The following ZNF407 variants were observed in gnomAD, a reference collection of about 807,000 sequenced individuals.
ZNF407 encodes zinc finger protein 407.
In ZNF407, 17 loss-of-function variants were observed where a neutral mutation model predicts 131.2. That is an observed-to-expected ratio of 0.13 (90% CI 0.09 to 0.19). ZNF407 has a LOEUF of 0.19. Among genes scored for constraint, ZNF407 ranks in the 10% least tolerant of loss-of-function variants. The probability of loss-of-function intolerance (pLI) is 1.00; values close to 1 mark genes in which losing one functional copy is unlikely to be tolerated. For synonymous variants in ZNF407, 1,156 were observed against 1,062.0 expected (o/e 1.09, Z -1.72); for missense variants, 2,681 against 2,830.6 (o/e 0.95, Z 1.20).
chr18:74,860,415 G>A (rs1388148014), intron 4 of ZNF407, among the ~76,000 whole-genome samples: 1 of 151,780 alleles, frequency 6.6e-6, no homozygotes, highest in African/African-American at 2.4e-5. Context: ...TGAGAAGTAT[G>A]TAATTGTTAA....
chr18:75,062,752 A>T (rs1973652112), intron 8 of ZNF407: 1 of 167,172 alleles, frequency 6.0e-6, no homozygotes, highest in Admixed American at 6.4e-5. Flanking sequence ...GTTAGGAGAT[A>T]CTACTGCTGG....
intron 3 of ZNF407, among the ~76,000 whole-genome samples, chr18:74,673,123 A>G (rs954373736): frequency 2.0e-5 from 3 of 152,226 alleles, no homozygotes; most frequent in Non-Finnish European, 4.4e-5. Context: ...ATTGACAGTA[A>G]GTGAAGACTC....
intron 8 of ZNF407, among the ~76,000 whole-genome samples, chr18:75,007,089 A>G (rs1972919478): frequency 6.6e-6 from 1 of 152,158 alleles, no homozygotes; most frequent in African/African-American, 2.4e-5. Context: ...AAAGTTTCAT[A>G]GAGCTGGATT....
intron 3 of ZNF407, among the ~76,000 whole-genome samples, chr18:74,663,976 C>T (rs192115218): frequency 4.6e-4 from 70 of 152,240 alleles, no homozygotes; most frequent in Middle Eastern, 3.4e-3. Flanking sequence ...GATGCTGTGC[C>T]ACAAACTATA....
intron 4 of ZNF407, among the ~76,000 whole-genome samples, chr18:74,790,463 T>C (rs1969805285): frequency 6.6e-6 from 1 of 152,196 alleles, no homozygotes; most frequent in Non-Finnish European, 1.5e-5. Context: ...AGATTTGGGG[T>C]ATAAGAATAT....
intron 1 of ZNF407, among the ~76,000 whole-genome samples, chr18:74,617,674 G>A (rs1374856825): frequency 2.0e-5 from 3 of 152,234 alleles, no homozygotes; most frequent in South Asian, 2.1e-4. Flanking sequence ...AGGGGGTCAC[G>A]TCTGGAGACA....
At chr18:75,052,977 T>C (rs558307952) in intron 8 of ZNF407, among the ~76,000 whole-genome samples, 1 of 152,242 alleles carries the variant, frequency 6.6e-6, no homozygotes, top group Non-Finnish European at 1.5e-5. Context: ...AGCCTTTAAT[T>C]TCCCTGATAA....
intron 8 of ZNF407, among the ~76,000 whole-genome samples, chr18:74,997,542 G>T (rs963985230): frequency 2.0e-5 from 3 of 152,128 alleles, no homozygotes; most frequent in South Asian, 2.1e-4. Context: ...TGAGATTTTT[G>T]TCCTTGTGCC....
intron 3 of ZNF407, among the ~76,000 whole-genome samples, chr18:74,720,288 A>G (rs1967998967): frequency 6.6e-6 from 1 of 150,706 alleles, no homozygotes; most frequent in South Asian, 2.1e-4. Flanking sequence ...AGTTTTTCTT[A>G]TATTTGGTGG....
intron 4 of ZNF407, among the ~76,000 whole-genome samples, chr18:74,854,121 T>G (rs1372687930): frequency 6.6e-6 from 1 of 152,172 alleles, no homozygotes; most frequent in African/African-American, 2.4e-5. Context: ...GTTTAATGTC[T>G]TGCACCACAG....
chr18:74,805,351 T>TCTTTCTG (rs1970093260), intron 4 of ZNF407, among the ~76,000 whole-genome samples: 1 of 152,204 alleles, frequency 6.6e-6, no homozygotes, highest in Non-Finnish European at 1.5e-5. Flanking sequence ...TTGCGGAAAA[T>TCTTTCTG]CTTTCTGCTT....
chr18:75,046,051 A>C (rs1212583470), intron 8 of ZNF407, among the ~76,000 whole-genome samples: 4 of 152,196 alleles, frequency 2.6e-5, no homozygotes, highest in Non-Finnish European at 5.9e-5. Context: ...AATGATCCGA[A>C]GTCATTCTTA....
intron 3 of ZNF407, among the ~76,000 whole-genome samples, chr18:74,713,049 C>T (rs1967803457): frequency 6.6e-6 from 1 of 152,124 alleles, no homozygotes. Flanking sequence ...CAGTCAGGGC[C>T]TTTTGTTAGA....
chr18:74,647,972 G>C (rs1985051552), intron 3 of ZNF407, among the ~76,000 whole-genome samples: 1 of 152,184 alleles, frequency 6.6e-6, no homozygotes, highest in Admixed American at 6.5e-5. Flanking sequence ...GAGCGAACAT[G>C]AGGGGAAGTA....
chr18:74,899,285 G>A lies in ZNF407; in HGVS notation c.5249+9247G>A, dbSNP rs79263638. On this transcript the variant is annotated intron_variant, in intron 7 of 8. Transcript: ENST00000299687. ...TTAAAAGACAATTGCAAAGGTACAC[G>A]CAGAAAATCACCTTAAACTAATGCT... Among the ~76,000 whole-genome samples, 500 of 152,286 alleles carry A rather than the reference G, an allele frequency of 3.3e-3. 3 individuals carry two copies. The highest frequency in any genetic ancestry group is 6.6e-3 in the South Asian group (32 of 4,828).
chr18:74,902,997 T>C (rs1971549684), intron 7 of ZNF407, among the ~76,000 whole-genome samples: 1 of 152,148 alleles, frequency 6.6e-6, no homozygotes, highest in African/African-American at 2.4e-5. Context: ...GACACTTACA[T>C]AGTGTTTAAA....
chr18:74,625,493 TGAA>T (rs1346530216), intron 1 of ZNF407, among the ~76,000 whole-genome samples: 1 of 152,206 alleles, frequency 6.6e-6, no homozygotes, highest in Non-Finnish European at 1.5e-5. Flanking sequence ...TGTTTGCAGA[TGAA>T]GACGTGGTAG....
intron 3 of ZNF407, among the ~76,000 whole-genome samples, chr18:74,736,756 G>T (rs997612722): frequency 2.0e-5 from 3 of 152,148 alleles, no homozygotes; most frequent in Admixed American, 6.6e-5. Flanking sequence ...AATTTCTGCA[G>T]CCGATCTAAA....
intron 8 of ZNF407, among the ~76,000 whole-genome samples, chr18:74,926,793 ACT>A (rs1971919634): frequency 6.6e-6 from 1 of 152,136 alleles, no homozygotes; most frequent in Non-Finnish European, 1.5e-5. Context: ...CAAGAGTGAA[ACT>A]CTGTCTCAAG....
Sources: allele counts gnomAD v4.1 joint callset (sites outside exome capture counted in the v4.1 genomes callset), GRCh38; gene constraint gnomAD v4.1.1; transcripts MANE v1.5; gene names NCBI Gene and HGNC (gene_info 2026-07-23, HGNC 2026-07-21).